The following PRC1 variants were observed in gnomAD, a reference collection of about 807,000 sequenced individuals.
The protein encoded by PRC1 is protein regulator of cytokinesis 1, also known as anaphase spindle elongation 1 homolog.
In PRC1, 54 loss-of-function variants were observed where a neutral mutation model predicts 91.2. The ratio of observed to expected loss-of-function variants is 0.59; its 90% CI spans 0.48 to 0.74. The LOEUF is 0.74. Among genes scored for constraint, PRC1 ranks in the 30% least tolerant of loss-of-function variants. The pLI is 0.00. For synonymous variants in PRC1, 275 were observed against 263.6 expected, an observed-to-expected ratio of 1.04 and a Z score of -0.42; for missense variants, 727 against 746.2, an observed-to-expected ratio of 0.97 and a Z score of 0.30.
rs2039214094 is a variant in PRC1 at position 90,981,766 on chromosome 15, T to C, written c.483A>G (p.Thr161=). Residue 161 remains threonine (T), a synonymous_variant, in exon 4 of 15, where the codon ACA becomes ACG. Coordinates refer to ENST00000394249, the MANE Select transcript of PRC1 (RefSeq NM_003981.4). ...AGTGTACCTTTGTTTCCCTCAAAGTTGTCACATGTTGCCTGAACTGGTTCA... is the reference window on the plus strand; with the variant it reads ...AGTGTACCTTTGTTTCCCTCAAAGTCGTCACATGTTGCCTGAACTGGTTCA... The part of the protein sequence containing the change: ...EELNQFRQHV[T]TLRETKASRR... 1.2e-6 allele frequency: 2 copies of C among 1,611,776 alleles called. No homozygotes were observed. Among genetic ancestry groups the C allele is most frequent in the Non-Finnish European group, 1.7e-6 (2 of 1,178,432 alleles).
chr15:90,980,536 T>TTG, intron 6 of PRC1, 147 bp from the exon 7 acceptor site: 1 of 752,140 alleles, frequency 1.3e-6, no homozygotes, highest in East Asian at 3.7e-5. Flanking sequence ...TTTTTTTTTT[T>TTG]GAGACAGGGT....
intron 1 of PRC1, among the ~76,000 whole-genome samples, chr15:90,993,355 C>T (rs1225107778): frequency 6.6e-6 from 1 of 151,702 alleles, no homozygotes. Flanking sequence ...GGTACAGGCG[C>T]GCCACCAGGG....
At chr15:90,973,610 G>A (rs1343035687) in intron 11 of PRC1, among the ~76,000 whole-genome samples, 2 of 151,986 alleles carry the variant, frequency 1.3e-5, no homozygotes, top group Admixed American at 6.6e-5. Flanking sequence ...AAACCCGATC[G>A]TACGTACCTA....
chr15:90,990,046 A>AT (rs1475674101), intron 1 of PRC1, among the ~76,000 whole-genome samples: 3 of 151,266 alleles, frequency 2.0e-5, no homozygotes, highest in African/African-American at 4.9e-5. Flanking sequence ...AAACAATAAA[A>AT]TTTTTTTTTA....
chr15:90,967,838 CTACTT>C, intron 14 of PRC1: 1 of 985,390 alleles, frequency 1.0e-6, no homozygotes, highest in Non-Finnish European at 1.2e-6. Flanking sequence ...AGGCATGACT[CTACTT>C]CACAGAGCTA....
At chr15:90,968,519 T>C (rs75581761) in intron 14 of PRC1, 11,877 of 987,880 alleles carry the variant, frequency 0.012, 91 homozygotes, top group Non-Finnish European at 0.013. Context: ...AAATATAGAG[T>C]AGGATACTAG....
intron 8 of PRC1, chr15:90,977,085 A>C: frequency 6.7e-6 from 1 of 149,768 alleles, no homozygotes; most frequent in Non-Finnish European, 1.4e-5. Context: ...AGACTGCGCC[A>C]CCGTGCTCCA....
intron 5 of PRC1, 27 bp downstream of exon 5, chr15:90,981,472 C>A: frequency 6.2e-7 from 1 of 1,612,582 alleles, no homozygotes; most frequent in Non-Finnish European, 8.5e-7. Context: ...TACGGAGATC[C>A]TAGGGCATAA....
At chr15:90,993,520 A>G (rs1337135675) in intron 1 of PRC1, among the ~76,000 whole-genome samples, 2 of 152,214 alleles carry the variant, frequency 1.3e-5, no homozygotes, top group Non-Finnish European at 2.9e-5. Flanking sequence ...CAGTTCCACC[A>G]AAAACTACAC....
intron 12 of PRC1, among the ~76,000 whole-genome samples, chr15:90,970,176 C>T (rs1038948780): frequency 1.3e-5 from 2 of 152,118 alleles, no homozygotes; most frequent in African/African-American, 4.8e-5. Flanking sequence ...CCAGACACAT[C>T]CCAGTGCTTC....
chr15:90,980,750 C>T (rs2151532916), intron 6 of PRC1, 134 bp downstream of exon 6: 1 of 1,250,960 alleles, frequency 8.0e-7, no homozygotes, highest in Non-Finnish European at 1.1e-6. Context: ...AAATGATTCA[C>T]CTGCCTCGGC....
At position 90,967,009 on chromosome 15, in the gene PRC1, G is replaced by C. The variant is rs1383172853; in HGVS notation, c.*122C>G. 4.9e-6 allele frequency: 4 copies of C among 813,154 alleles called. No individual in the cohort carries two copies. Among genetic ancestry groups the C allele is most frequent in the Non-Finnish European group, 8.3e-6 (4 of 484,276 alleles). The allele number at this position is 813,154 out of a possible 1,614,324, so 50.4% of individuals were successfully genotyped here. On this transcript the variant is annotated 3_prime_UTR_variant, in exon 15 of 15. Coordinates refer to ENST00000394249, the MANE Select transcript of PRC1 (RefSeq NM_003981.4). ...ATTCACATCTTTAAGTTAGGCCCAT[G>C]GTCATGGAACCTGGCCAAGGTTTCA... is the stretch of plus-strand genomic sequence containing the variant.
At chr15:90,989,733 T>A (rs552819123) in intron 1 of PRC1, among the ~76,000 whole-genome samples, 1 of 151,962 alleles carries the variant, frequency 6.6e-6, no homozygotes, top group South Asian at 2.1e-4. Context: ...ATGTAGTATA[T>A]AGGCATACAA....
chr15:90,981,806 G>GTA lies in PRC1; in HGVS notation c.442_443insTA (p.Pro148LeufsTer4). ...GAACTGGTTCAGCTCTTCTAAGCTG[G>GTA]GCACTGAGGCACTGTCAATATCATA... is the stretch of plus-strand genomic sequence containing the variant. On this transcript the variant is annotated frameshift_variant, in exon 4 of 15. Coordinates refer to ENST00000394249, the MANE Select transcript of PRC1 (RefSeq NM_003981.4). LOFTEE classifies it high-confidence loss of function. The GTA allele has an allele frequency of 6.2e-7, 1 of 1,614,166 alleles. No individual in the cohort carries two copies. Among genetic ancestry groups the GTA allele is most frequent in the Non-Finnish European group, 8.5e-7 (1 of 1,180,006 alleles).
rs552922970 is a variant in PRC1, at chr15:90,968,771, T to C, written c.1791+308A>G. 6 of 1,195,564 alleles carry C rather than the reference T, an allele frequency of 5.0e-6. No homozygotes were observed. In the African/African-American group the frequency reaches 6.2e-5, roughly 12 times the overall value. 74.1% of individuals were successfully genotyped at this position (1,195,564 alleles called of 1,614,324 possible). On this transcript the variant is annotated intron_variant, in intron 14 of 14. Coordinates refer to ENST00000394249, the MANE Select transcript of PRC1 (RefSeq NM_003981.4). ...CCTTCCCCATGTGATTGGGGGCCTCTATTCTTTCCAGCTATTGCAGGCCTT... is the reference window on the plus strand; with the variant it reads ...CCTTCCCCATGTGATTGGGGGCCTCCATTCTTTCCAGCTATTGCAGGCCTT...
At chr15:90,972,192 AAAAAAAAAAAAACACCACC>A (rs1353142060) in intron 11 of PRC1, among the ~76,000 whole-genome samples, 11 of 146,490 alleles carry the variant, frequency 7.5e-5, no homozygotes, top group African/African-American at 2.6e-4. Context: ...ACTCAAAAAA[AAAAAAAAAAAAACACCACC>A]AACAAAAAAA....
chr15:90,983,645 C>A (rs2039369982), intron 3 of PRC1: 2 of 155,876 alleles, frequency 1.3e-5, no homozygotes, highest in Admixed American at 1.3e-4. Flanking sequence ...TCATAGTATT[C>A]CTTTTAATCA....
At chr15:90,978,753 CAAAAAAAAAAAA>C (rs869065052) in intron 8 of PRC1, among the ~76,000 whole-genome samples, 1 of 39,708 alleles carries the variant, frequency 2.5e-5, no homozygotes, top group African/African-American at 1.0e-4. Context: ...AACTCCACCT[CAAAAAAAAAAAA>C]AAAAAAAAAA....
In PRC1 at chr15:90,979,247, G is replaced by A. The variant is rs777958468; in HGVS notation, c.1018C>T (p.Arg340Trp). ...TGAACTTCATAGTAGTTTTTTAACC[G>A]CACAATCTCAGCATCGTGGAGCTGG... ...LLQLHDAEIV[R>W]LKNYYEVHKE... The change falls in exon 8 of 15, where the codon CGG (arginine) becomes TGG (tryptophan). Residue 340 changes from arginine to tryptophan, a missense_variant. Arg to Trp is a moderately radical substitution (Grantham distance 101). Coordinates refer to ENST00000394249, the MANE Select transcript of PRC1 (RefSeq NM_003981.4). 177 of 1,613,942 alleles carry A rather than the reference G, an allele frequency of 1.1e-4. No homozygotes were observed. Among genetic ancestry groups the A allele is most frequent in the Non-Finnish European group, 1.3e-4 (157 of 1,179,994 alleles).
Sources: allele counts gnomAD v4.1 joint callset (sites outside exome capture counted in the v4.1 genomes callset), GRCh38; gene constraint gnomAD v4.1.1; transcripts MANE v1.5; gene names NCBI Gene and HGNC (gene_info 2026-07-23, HGNC 2026-07-21).